FBN3: variants seen among roughly 807,000 people sequenced by gnomAD.
FBN3 encodes the protein fibrillin 3.
In FBN3, 234 loss-of-function variants were observed where a neutral mutation model predicts 330.1. That is an observed-to-expected ratio of 0.71 (90% CI 0.64 to 0.79). FBN3 has a LOEUF of 0.79. FBN3 is among the 30% of genes least tolerant of loss of function. The pLI is 0.00. For synonymous variants in FBN3, 1,458 were observed against 1,517.3 expected, an observed-to-expected ratio of 0.96 and a Z score of 0.91; for missense variants, 3,606 against 3,886.9, an observed-to-expected ratio of 0.93 and a Z score of 1.92.
intron 3 of FBN3, among the ~76,000 whole-genome samples, 177 bp downstream of exon 3, chr19:8,146,927 A>C (rs2083559629): frequency 6.6e-6 from 1 of 152,224 alleles, no homozygotes; most frequent in African/African-American, 2.4e-5. Flanking sequence ...AGGGCAAAGG[A>C]AATGAACATG....
In FBN3 at chr19:8,116,752, A is replaced by G. The variant is rs1381856371; in HGVS notation, c.3634T>C (p.Cys1212Arg). Residue 1212 changes from cysteine to arginine, a missense_variant, in exon 29 of 64, where the codon TGC becomes CGC. Transcript: ENST00000600128. The stretch of plus-strand genomic sequence containing the variant: ...CGGTGACCCCCTGGCATGTTGGTGC[A>G]GTGGCCTTGGTCACAAACGCGGGGG... ...ENPRVCDQGH[C>R]TNMPGGHRCL... 2 of 1,613,862 alleles carry G rather than the reference A, an allele frequency of 1.2e-6. No individual in the cohort carries two copies. The highest frequency in any genetic ancestry group is 1.7e-6 in the Non-Finnish European group (2 of 1,179,956).
At position 8,096,242 on chromosome 19, in the gene FBN3, A is replaced by G. The variant is rs12151307; in HGVS notation, c.5540-162T>C. On this transcript the variant is annotated intron_variant, in intron 44 of 63. Transcript: ENST00000600128. The surrounding 1 kb of genome is among the most constrained non-coding windows in gnomAD (Gnocchi z 4.6). ...GTGATGGCTGGGAAGTACTCCTGGTATGATATATCACCCCCATTTTACAGA... is the reference window on the plus strand; with the variant it reads ...GTGATGGCTGGGAAGTACTCCTGGTGTGATATATCACCCCCATTTTACAGA... 0.94 allele frequency among the ~76,000 whole-genome samples: 142,696 copies of G among 152,222 alleles called. 67,553 individuals are homozygous for G. Among genetic ancestry groups the G allele is most frequent in the Non-Finnish European group, 1 (67,969 of 68,026 alleles).
intron 13 of FBN3, among the ~76,000 whole-genome samples, chr19:8,135,693 G>A (rs562867001): frequency 6.6e-6 from 1 of 152,248 alleles, no homozygotes; most frequent in East Asian, 1.9e-4. Flanking sequence ...AAAGTGCTGG[G>A]ATTACAGGCA....
At position 8,095,449 on chromosome 19, in the gene FBN3, A is replaced by C; in HGVS notation, c.5711T>G (p.Leu1904Arg). 1 of 1,613,766 alleles carries C rather than the reference A, an allele frequency of 6.2e-7. No individual in the cohort carries two copies. The highest frequency in any genetic ancestry group is 8.5e-7 in the Non-Finnish European group (1 of 1,179,782). Residue 1904 changes from leucine to arginine, a missense_variant, in exon 46 of 64, where the codon CTC becomes CGC. Transcript: ENST00000600128. ...GCAGTGGAAGGAACCAGCTGTGTTG[A>C]GGCAATGGCCAAATCGGCACACCTG... ...VGQVCRFGHC[L>R]NTAGSFHCLC...
At chr19:8,104,260 T>C (rs4271691) in intron 38 of FBN3, among the ~76,000 whole-genome samples, 107,970 of 150,824 alleles carry the variant, frequency 0.72, 41,934 homozygotes, top group Non-Finnish European at 0.87. Context: ...TCATTTGAGG[T>C]CAAGAGTTTG....
Position 8,089,663 on chromosome 19 carries a change from A to G in FBN3, c.6258T>C (p.Asn2086=). The G allele has an allele frequency of 6.2e-7, 1 of 1,614,124 alleles. No individual in the cohort carries two copies. Among genetic ancestry groups the G allele is most frequent in the South Asian group, 1.1e-5 (1 of 91,082 alleles). Reference sequence around the variant, plus strand: ...AGACGCCAGGGTTCTCTGCACACTCATTCACGTCTGCGGATGGCAGGCGTT... The same window carrying G: ...AGACGCCAGGGTTCTCTGCACACTCGTTCACGTCTGCGGATGGCAGGCGTT... ...PGPDDSREDV[N]ECAENPGVCT... The change falls in exon 51 of 64, where the codon AAT becomes AAC. Residue 2086 remains asparagine (N), a synonymous_variant. Coordinates refer to ENST00000600128, the MANE Select transcript of FBN3 (RefSeq NM_032447.5).
chr19:8,124,595 C>T (rs890399075), intron 22 of FBN3, among the ~76,000 whole-genome samples: 10 of 140,790 alleles, frequency 7.1e-5, no homozygotes, highest in South Asian at 2.3e-4. Flanking sequence ...TGTAGTGCAG[C>T]GGCACAATCT....
At chr19:8,091,681 T>C in intron 47 of FBN3, 91 bp from the exon 48 acceptor site, 2 of 1,460,466 alleles carry the variant, frequency 1.4e-6, no homozygotes, top group Non-Finnish European at 1.9e-6. Context: ...ACAGATGGAG[T>C]GCAGGTCCAG....
At chr19:8,108,327 G>A (rs187231561) in intron 36 of FBN3, 89 bp from the exon 37 acceptor site, 2 of 1,001,528 alleles carry the variant, frequency 2.0e-6, no homozygotes, top group Non-Finnish European at 3.0e-6. Context: ...CCTGAAAAGG[G>A]CTCAAGAGTG....
intron 55 of FBN3, 92 bp from the exon 56 acceptor site, chr19:8,085,661 G>T: frequency 9.9e-7 from 1 of 1,006,346 alleles, no homozygotes. Context: ...TGTATTTTGG[G>T]GGTGTTGGGG....
intron 45 of FBN3, 138 bp from the exon 46 acceptor site, chr19:8,095,641 T>C: frequency 3.6e-6 from 3 of 840,890 alleles, no homozygotes; most frequent in Non-Finnish European, 1.8e-6. Context: ...CTATGTATAT[T>C]AGCCTTCTAC....
chr19:8,078,238 A>G (rs2145397274), intron 59 of FBN3, among the ~76,000 whole-genome samples: 1 of 152,312 alleles, frequency 6.6e-6, no homozygotes, highest in African/African-American at 2.4e-5. Flanking sequence ...GACAAAATCC[A>G]AGCCACTGTC....
At position 8,066,067 on chromosome 19, in the gene FBN3, A is replaced by G. The variant is rs1159143645; in HGVS notation, c.8282T>C (p.Leu2761Pro). Reference protein sequence around the residue: ...RMHHLRGVSSLQLGRRRPGPG... With the variant: ...RMHHLRGVSSPQLGRRRPGPG... ...CCCCGGCCGCCTCCGCCCCAGCTGC[A>G]GGGAGCTGACGCCACGGAGGTGATG... Residue 2761 changes from leucine (L) to proline (P), a missense_variant, in exon 64 of 64, where the codon CTG (leucine) becomes CCG (proline). Physicochemically the swap from Leu to Pro is moderately conservative, Grantham distance 98. Coordinates refer to ENST00000600128, the MANE Select transcript of FBN3 (RefSeq NM_032447.5). The G allele has an allele frequency of 1.2e-6, 2 of 1,613,208 alleles. No homozygotes were observed. Among genetic ancestry groups the G allele is most frequent in the Non-Finnish European group, 1.7e-6 (2 of 1,179,938 alleles).
intron 6 of FBN3, among the ~76,000 whole-genome samples, chr19:8,143,461 C>A (rs1486142813): frequency 2.0e-5 from 3 of 151,774 alleles, no homozygotes; most frequent in Admixed American, 2.0e-4. Context: ...ACAAGAAAGA[C>A]ATCACTGTGT....
chr19:8,131,388 T>C lies in FBN3; in HGVS notation c.1991-100A>G, dbSNP rs1187300244. ...AGGCCCTCTGGTCTTGGGCAAGAGT[T>C]TGGGACTAAGACACAACTCCAACCC... On this transcript the variant is annotated intron_variant, in intron 15 of 63. Coordinates refer to ENST00000600128, the MANE Select transcript of FBN3 (RefSeq NM_032447.5). The surrounding 1 kb of genome is among the most constrained non-coding windows in gnomAD (Gnocchi z 4.5). 1 of 1,498,690 alleles carries C rather than the reference T, an allele frequency of 6.7e-7. No individual in the cohort carries two copies. The highest frequency in any genetic ancestry group is 1.4e-5 in the African/African-American group (1 of 72,554). 92.8% of individuals were successfully genotyped at this position (1,498,690 alleles called of 1,614,324 possible).
chr19:8,073,346 G>T (rs754295918), intron 61 of FBN3, 49 bp from the exon 62 acceptor site: 14 of 1,491,480 alleles, frequency 9.4e-6, no homozygotes, highest in Non-Finnish European at 1.3e-5. Flanking sequence ...GTGGGGCAGT[G>T]CAGCCTTCAC....
chr19:8,135,935 T>TTGGGGGGGGGGCGG, intron 13 of FBN3, 26 bp downstream of exon 13: 2 of 1,344,152 alleles, frequency 1.5e-6, no homozygotes, highest in African/African-American at 1.5e-5. Flanking sequence ...CGGAAGCCCC[T>TTGGGGGGGGGGCGG]GCCCACCCGC....
At chr19:8,085,220 G>GACAC (rs35473068) in intron 56 of FBN3, 143 bp downstream of exon 56, 48,661 of 539,666 alleles carry the variant, frequency 0.09, 697 homozygotes, top group East Asian at 0.22. Flanking sequence ...CTAGCACAAA[G>GACAC]ACACACACAC....
chr19:8,137,816 CAGGG>C (rs1442813140), intron 10 of FBN3, among the ~76,000 whole-genome samples: 1 of 151,976 alleles, frequency 6.6e-6, no homozygotes, highest in Non-Finnish European at 1.5e-5. Flanking sequence ...GCTGTAGAGA[CAGGG>C]TCTTGCTATG....
Sources: allele counts gnomAD v4.1 joint callset (sites outside exome capture counted in the v4.1 genomes callset), GRCh38; gene constraint gnomAD v4.1.1; non-coding constraint Gnocchi (gnomAD v3.1); transcripts MANE v1.5; gene names NCBI Gene and HGNC (gene_info 2026-07-23, HGNC 2026-07-21).